NEMF: variants seen among roughly 807,000 people sequenced by gnomAD.
The protein encoded by NEMF is ribosome quality control complex subunit NEMF.
NEMF carries 89 observed loss-of-function variants against 162.2 expected under a neutral mutation model. That is an observed-to-expected ratio of 0.55 (90% CI 0.46 to 0.65). The LOEUF is 0.65. Among genes scored for constraint, NEMF ranks in the 30% least tolerant of loss-of-function variants. NEMF has a pLI of 0.00. For synonymous variants in NEMF, 421 were observed against 404.5 expected (o/e 1.04, Z -0.49); for missense variants, 1,133 against 1,261.9 (o/e 0.90, Z 1.55).
chr14:49,845,508 T>C (rs1431245746), intron 4 of NEMF, among the ~76,000 whole-genome samples: 1 of 152,266 alleles, frequency 6.6e-6, no homozygotes, highest in Non-Finnish European at 1.5e-5. Context: ...TTATAAACTT[T>C]AAACTTTTTA....
intron 16 of NEMF, among the ~76,000 whole-genome samples, chr14:49,817,595 C>T (rs144136368): frequency 2.4e-4 from 37 of 152,148 alleles, no homozygotes; most frequent in Admixed American, 4.6e-4. Context: ...ATTAGGAAGA[C>T]GTAACAGTTA....
Position 49,784,798 on chromosome 14 carries a change from A to C in NEMF, c.3154-85T>G. 3.5e-6 allele frequency: 5 copies of C among 1,436,188 alleles called. No homozygotes were observed. The East Asian group carries it at 1.1e-4, about 33-fold the overall frequency. 89.0% of individuals were successfully genotyped at this position (1,436,188 alleles called of 1,614,324 possible). A position where few individuals can be genotyped will look rare whatever the true frequency, so the allele number is the denominator to read the frequency against. ...ATGACAAAAACGAAAAACATTTCCA[A>C]ACTTTTAGCTGAGATGGTTTTACTG... On this transcript the variant is annotated intron_variant, in intron 32 of 32. Transcript: ENST00000298310.
At chr14:49,798,652 T>C (rs1343861244) in intron 25 of NEMF, among the ~76,000 whole-genome samples, 1 of 152,228 alleles carries the variant, frequency 6.6e-6, no homozygotes. Flanking sequence ...CTTATGCCTA[T>C]AATCCCAGCA....
chr14:49,833,506 G>A lies in NEMF; in HGVS notation c.662-10C>T. 6.5e-7 allele frequency: 1 copy of A among 1,547,430 alleles called. No individual in the cohort carries two copies. Among genetic ancestry groups the A allele is most frequent in the Non-Finnish European group, 8.8e-7 (1 of 1,138,794 alleles). On this transcript the variant is annotated splice_polypyrimidine_tract_variant and intron_variant, in intron 7 of 32. Coordinates refer to ENST00000298310, the MANE Select transcript of NEMF (RefSeq NM_004713.6). ...AGTACTTTTTCAATATCTAATGGTG[G>A]GGGAAAAAAAGGAAAAAAGGAGTGC...
At chr14:49,824,933 T>A (rs1892264882) in intron 16 of NEMF, among the ~76,000 whole-genome samples, 1 of 152,114 alleles carries the variant, frequency 6.6e-6, no homozygotes, top group African/African-American at 2.4e-5. Context: ...AGAACCAATA[T>A]AAAATTAAGT....
chr14:49,828,469 T>C, intron 14 of NEMF, 115 bp from the exon 15 acceptor site: 2 of 969,924 alleles, frequency 2.1e-6, no homozygotes, highest in Non-Finnish European at 3.1e-6. Context: ...ACAAACTGTA[T>C]AATTAACAAA....
chr14:49,800,660 T>C lies in NEMF; in HGVS notation c.2132A>G (p.Glu711Gly), dbSNP rs776097520. The change falls in exon 23 of 33, where the codon GAA becomes GGA. Residue 711 changes from glutamate (E) to glycine (G), a missense_variant. Around this residue, in one of 3 missense-constraint regions of NEMF, gnomAD observed 532 missense variants for 578.6 expected, o/e 0.92. Transcript: ENST00000298310. Reference sequence around the variant, plus strand: ...TTCTACTTCCACAGGAGTTTCATGTTCTTCTTTATCCTCATCACTGCTCGT... The same window carrying C: ...TTCTACTTCCACAGGAGTTTCATGTCCTTCTTTATCCTCATCACTGCTCGT... Reference protein sequence around the residue: ...GDTSSDEDKEEHETPVEVELM... With the variant: ...GDTSSDEDKEGHETPVEVELM... 6.2e-7 allele frequency: 1 copy of C among 1,614,002 alleles called. No individual in the cohort carries two copies. Among genetic ancestry groups the C allele is most frequent in the South Asian group, 1.1e-5 (1 of 91,082 alleles).
intron 26 of NEMF, among the ~76,000 whole-genome samples, chr14:49,793,431 C>T (rs899491519): frequency 6.6e-5 from 10 of 152,172 alleles, no homozygotes; most frequent in Admixed American, 5.2e-4. Context: ...GTAATCCCAA[C>T]ACTTTGGGAG....
At chr14:49,838,864 G>A (rs778779724) in intron 5 of NEMF, among the ~76,000 whole-genome samples, 6 of 152,110 alleles carry the variant, frequency 3.9e-5, no homozygotes, top group African/African-American at 9.6e-5. Flanking sequence ...GATTACAGGC[G>A]TGAGACACCG....
chr14:49,831,315 A>T lies in NEMF; in HGVS notation c.929T>A (p.Leu310Ter). Reference sequence around the variant, plus strand: ...AATACATACCTGTTGTAAAGCTTTTAAGTCAATTTTCTGGCCTTCTATCTT... The same window carrying T: ...AATACATACCTGTTGTAAAGCTTTTTAGTCAATTTTCTGGCCTTCTATCTT... Reference protein sequence around the residue: ...YSKIEGQKIDLKALQQEKQAL... With the variant: ...YSKIEGQKID The change falls in exon 11 of 33, where the codon TTA becomes TAA. Residue 310 changes from leucine (L) to a stop codon, truncating the protein, a stop_gained. Coordinates refer to ENST00000298310, the MANE Select transcript of NEMF (RefSeq NM_004713.6). LOFTEE classifies it high-confidence loss of function. 1 of 1,593,320 alleles carries T rather than the reference A, an allele frequency of 6.3e-7. No individual in the cohort carries two copies. The highest frequency in any genetic ancestry group is 8.6e-7 in the Non-Finnish European group (1 of 1,161,546).
At chr14:49,833,389 CACA>C (rs765909873) in intron 8 of NEMF, 31 bp downstream of exon 8, 18 of 1,320,378 alleles carry the variant, frequency 1.4e-5, no homozygotes, top group East Asian at 2.4e-5. Context: ...CCAAATAAAT[CACA>C]ACAATATATA....
chr14:49,784,780 A>C, intron 32 of NEMF, 67 bp from the exon 33 acceptor site: 3 of 1,487,056 alleles, frequency 2.0e-6, no homozygotes, highest in Non-Finnish European at 2.8e-6. Flanking sequence ...TTTATGACAA[A>C]AACGAAAAAC....
At chr14:49,837,111 A>C (rs996560397) in intron 6 of NEMF, among the ~76,000 whole-genome samples, 21 of 152,068 alleles carry the variant, frequency 1.4e-4, no homozygotes, top group Non-Finnish European at 1.5e-4. Context: ...CATCTCTACT[A>C]AAAATACAAA....
chr14:49,798,812 CAGG>C (rs1890810964), intron 25 of NEMF, among the ~76,000 whole-genome samples: 1 of 152,108 alleles, frequency 6.6e-6, no homozygotes, highest in Admixed American at 6.6e-5. Flanking sequence ...GAGGCTGAGG[CAGG>C]AGAACGGCGT....
intron 18 of NEMF, among the ~76,000 whole-genome samples, chr14:49,812,555 A>G (rs1056480279): frequency 1.3e-5 from 2 of 152,130 alleles, no homozygotes; most frequent in Non-Finnish European, 2.9e-5. Context: ...TTACCCCCTA[A>G]GGGCTGCTCT....
intron 5 of NEMF, 135 bp from the exon 6 acceptor site, chr14:49,838,341 T>A: frequency 1.5e-6 from 1 of 661,028 alleles, no homozygotes; most frequent in Non-Finnish European, 2.6e-6. Context: ...AATTCATTCT[T>A]CTGTTGTGAG....
chr14:49,821,586 T>G (rs1242370815), intron 16 of NEMF, among the ~76,000 whole-genome samples: 1 of 58,890 alleles, frequency 1.7e-5, no homozygotes, highest in African/African-American at 6.5e-5. Flanking sequence ...GGGAGGGAGG[T>G]GGGGGGGTCA....
chr14:49,850,930 G>A (rs1330018359), intron 3 of NEMF, among the ~76,000 whole-genome samples: 4 of 152,194 alleles, frequency 2.6e-5, no homozygotes, highest in Admixed American at 1.3e-4. Flanking sequence ...TGGGCCAGGC[G>A]CGGTGGCTCA....
chr14:49,834,440 G>A lies in NEMF; in HGVS notation c.584C>T (p.Pro195Leu). 6.3e-7 allele frequency: 1 copy of A among 1,592,294 alleles called. No homozygotes were observed. Among genetic ancestry groups the A allele is most frequent in the Non-Finnish European group, 8.6e-7 (1 of 1,160,344 alleles). ...TAAAAGACAGTGTTCAATGAGAGCT[G>A]GTCCATAGGCTATAAATGCAGAGGA... The part of the protein sequence containing the change: ...RVLNPLLPYG[P>L]ALIEHCLLEN... The change falls in exon 7 of 33, where the codon CCA becomes CTA. Residue 195 changes from proline (P) to leucine (L), a missense_variant. This residue lies in a region of NEMF where 582 missense variants were observed against 631.5 expected (regional missense o/e 0.92). Coordinates refer to ENST00000298310, the MANE Select transcript of NEMF (RefSeq NM_004713.6).
Sources: allele counts gnomAD v4.1 joint callset (sites outside exome capture counted in the v4.1 genomes callset), GRCh38; gene constraint gnomAD v4.1.1; regional missense constraint gnomAD v4.1.1; transcripts MANE v1.5; gene names NCBI Gene and HGNC (gene_info 2026-07-23, HGNC 2026-07-21).